The following DENND1A variants were observed in gnomAD, a reference collection of about 807,000 sequenced individuals.
The protein encoded by DENND1A is DENN domain containing 1A.
DENND1A carries 51 observed loss-of-function variants against 113.7 expected under a neutral mutation model. The ratio of observed to expected loss-of-function variants is 0.45; its 90% CI spans 0.36 to 0.57. The LOEUF (loss-of-function observed/expected upper bound fraction) is 0.57, where lower values mean the gene tolerates loss of function less well. DENND1A is among the 20% of genes least tolerant of loss of function. DENND1A has a pLI of 0.00. For synonymous variants in DENND1A, 565 were observed against 570.8 expected, an observed-to-expected ratio of 0.99 and a Z score of 0.14; for missense variants, 1,258 against 1,395.9, an observed-to-expected ratio of 0.90 and a Z score of 1.57.
At chr9:123,530,674 T>C (rs1038222559) in intron 13 of DENND1A, among the ~76,000 whole-genome samples, 13 of 152,184 alleles carry the variant, frequency 8.5e-5, no homozygotes, top group Non-Finnish European at 4.4e-5. Flanking sequence ...CATGTGAGTG[T>C]CCAATTAGTA....
intron 13 of DENND1A, among the ~76,000 whole-genome samples, chr9:123,523,493 T>C (rs1285853481): frequency 6.6e-6 from 1 of 152,234 alleles, no homozygotes; most frequent in African/African-American, 2.4e-5. Flanking sequence ...CCTGTAGTAT[T>C]TGTGTGTTAG....
rs776131182 is a variant in DENND1A at position 123,671,354 on chromosome 9, C to A, written c.390G>T (p.Glu130Asp). Residue 130 changes from glutamate (E) to aspartate (D), a missense_variant, in exon 7 of 24, where the codon GAG (glutamate) becomes GAT (aspartate). Glu to Asp is a conservative substitution (Grantham distance 45). Coordinates refer to ENST00000394215, the MANE Select transcript of DENND1A (RefSeq NM_001352964.2). Reference sequence around the variant, plus strand: ...GAAGTTTGTGCAGAGTTTCAAGAAGCTCATTCCACTGATTTTCCTGAAAGA... The same window carrying A: ...GAAGTTTGTGCAGAGTTTCAAGAAGATCATTCCACTGATTTTCCTGAAAGA... Reference protein sequence around the residue: ...TTKRQENQWNELLETLHKLPI... With the variant: ...TTKRQENQWNDLLETLHKLPI... 6.2e-7 allele frequency: 1 copy of A among 1,613,860 alleles called. No homozygotes were observed. The highest frequency in any genetic ancestry group is 8.5e-7 in the Non-Finnish European group (1 of 1,179,926).
chr9:123,752,575 A>G (rs1386111974), intron 5 of DENND1A, among the ~76,000 whole-genome samples: 1 of 152,214 alleles, frequency 6.6e-6, no homozygotes, highest in Non-Finnish European at 1.5e-5. Context: ...ATATCTCCCC[A>G]TAACCCTCAA....
intron 2 of DENND1A, among the ~76,000 whole-genome samples, chr9:123,858,115 T>C (rs1334265380): frequency 6.6e-6 from 1 of 150,486 alleles, no homozygotes; most frequent in African/African-American, 2.4e-5. Flanking sequence ...CTAAACGCAA[T>C]TTGTGATTCT....
At chr9:123,486,600 C>G (rs1447596025) in intron 13 of DENND1A, among the ~76,000 whole-genome samples, 1 of 152,170 alleles carries the variant, frequency 6.6e-6, no homozygotes, top group Admixed American at 6.5e-5. Flanking sequence ...AAAGTTGGCA[C>G]CAACTAAATG....
At chr9:123,928,233 T>C (rs865850525) in intron 1 of DENND1A, among the ~76,000 whole-genome samples, 1 of 152,258 alleles carries the variant, frequency 6.6e-6, no homozygotes, top group East Asian at 1.9e-4. Context: ...ATTTGATGGC[T>C]AGCCATCTGA....
intron 9 of DENND1A, among the ~76,000 whole-genome samples, chr9:123,638,367 C>T (rs2061830508): frequency 6.6e-6 from 1 of 152,200 alleles, no homozygotes; most frequent in African/African-American, 2.4e-5. Flanking sequence ...GTATTCAATA[C>T]AGGGACAGCC....
chr9:123,645,549 G>A (rs2062271296), intron 9 of DENND1A, among the ~76,000 whole-genome samples: 1 of 152,156 alleles, frequency 6.6e-6, no homozygotes, highest in African/African-American at 2.4e-5. Context: ...AGTCTGCTCA[G>A]CTACGTCATC....
At chr9:123,876,997 T>C (rs1439656909) in intron 2 of DENND1A, among the ~76,000 whole-genome samples, 2 of 152,106 alleles carry the variant, frequency 1.3e-5, no homozygotes, top group East Asian at 3.8e-4. Flanking sequence ...CTAAATGATG[T>C]GTACACGTGG....
chr9:123,686,592 T>C (rs1297179558), intron 5 of DENND1A, among the ~76,000 whole-genome samples: 1 of 152,222 alleles, frequency 6.6e-6, no homozygotes, highest in Non-Finnish European at 1.5e-5. Flanking sequence ...CTTCAGGAAT[T>C]AGTGTACATG....
chr9:123,618,851 AG>A (rs1257571691), intron 10 of DENND1A, among the ~76,000 whole-genome samples: 3 of 151,116 alleles, frequency 2.0e-5, no homozygotes, highest in Non-Finnish European at 3.0e-5. Context: ...ACAGGGCTAA[AG>A]GCTGAATGGC....
chr9:123,643,903 A>G (rs2062162951), intron 9 of DENND1A, among the ~76,000 whole-genome samples: 1 of 152,360 alleles, frequency 6.6e-6, no homozygotes, highest in African/African-American at 2.4e-5. Flanking sequence ...GGTGACGACG[A>G]CCAGGCAGAG....
At chr9:123,498,061 G>T (rs2052106345) in intron 13 of DENND1A, among the ~76,000 whole-genome samples, 1 of 152,216 alleles carries the variant, frequency 6.6e-6, no homozygotes, top group African/African-American at 2.4e-5. Flanking sequence ...AAAGACACTT[G>T]TAATAGAAGA....
intron 2 of DENND1A, among the ~76,000 whole-genome samples, chr9:123,870,806 TCA>T (rs955404151): frequency 2.0e-5 from 3 of 152,090 alleles, no homozygotes; most frequent in African/African-American, 7.2e-5. Context: ...TCTTTGAGTC[TCA>T]GTTTCCTCAA....
chr9:123,401,976 C>G, intron 21 of DENND1A: 1 of 1,603,592 alleles, frequency 6.2e-7, no homozygotes, highest in Non-Finnish European at 8.5e-7. Flanking sequence ...ACCCTGTATC[C>G]TGGTACAGTG....
At chr9:123,570,044 AAT>A (rs1342068548) in intron 12 of DENND1A, among the ~76,000 whole-genome samples, 1 of 152,140 alleles carries the variant, frequency 6.6e-6, no homozygotes, top group Non-Finnish European at 1.5e-5. Flanking sequence ...TTCTAGCCGT[AAT>A]AAACTGTTAA....
intron 5 of DENND1A, among the ~76,000 whole-genome samples, chr9:123,725,381 C>A (rs1042239729): frequency 2.0e-5 from 3 of 152,176 alleles, no homozygotes; most frequent in African/African-American, 4.8e-5. Flanking sequence ...CCTTCTGTCC[C>A]GCATGCAAAG....
intron 3 of DENND1A, among the ~76,000 whole-genome samples, chr9:123,779,964 C>T (rs371124287): frequency 1.3e-5 from 2 of 150,846 alleles, no homozygotes; most frequent in East Asian, 3.9e-4. Flanking sequence ...AACCGATTTT[C>T]CTGCTCAGCC....
intron 2 of DENND1A, among the ~76,000 whole-genome samples, chr9:123,852,019 C>T (rs1347361827): frequency 6.6e-6 from 1 of 152,168 alleles, no homozygotes; most frequent in Non-Finnish European, 1.5e-5. Context: ...ATTTGCCCAG[C>T]GTATTTGGGG....
Sources: allele counts gnomAD v4.1 joint callset (sites outside exome capture counted in the v4.1 genomes callset), GRCh38; gene constraint gnomAD v4.1.1; transcripts MANE v1.5; gene names NCBI Gene and HGNC (gene_info 2026-07-23, HGNC 2026-07-21).